Variants in FANCD2 observed in about 807,000 individuals in gnomAD.
FANCD2 encodes FA complementation group D2.
In FANCD2, 131 loss-of-function variants were observed where a neutral mutation model predicts 192.3. The ratio of observed to expected loss-of-function variants is 0.68; its 90% CI spans 0.59 to 0.79. FANCD2 has a LOEUF of 0.79. Ranked by LOEUF, FANCD2 falls within the 30% of genes least tolerant of loss-of-function variation. The pLI is 0.00. For synonymous variants in FANCD2, 524 were observed against 612.5 expected (o/e 0.86, Z 2.13); for missense variants, 1,508 against 1,701.6 (o/e 0.89, Z 2.00).
intron 1 of FANCD2, 36 bp from the exon 2 acceptor site, chr3:10,028,589 C>G (rs528736110): frequency 7.4e-7 from 1 of 1,358,142 alleles, no homozygotes; most frequent in East Asian, 2.3e-5. Flanking sequence ...AATTTATCTT[C>G]TAGAGGGTAA....
intron 26 of FANCD2, among the ~76,000 whole-genome samples, chr3:10,069,935 G>A (rs1411064660): frequency 2.0e-5 from 3 of 151,676 alleles, no homozygotes; most frequent in East Asian, 3.9e-4. Context: ...CGTCTGGGAT[G>A]TGAGGAGCCT....
At chr3:10,034,883 T>C in intron 5 of FANCD2, 85 bp downstream of exon 5, 1 of 1,003,032 alleles carries the variant, frequency 1.0e-6, no homozygotes, top group South Asian at 1.4e-5. Flanking sequence ...CACAGTTGTT[T>C]CAAATTTCAT....
Position 10,074,524 on chromosome 3 carries a change from C to T in FANCD2, c.2716-6C>T. ...TATTCTCTTTGTTGCTGTGACTTCC[C>T]CATAGGAGTTCACAGGGAAGGAAGA... is the stretch of plus-strand genomic sequence containing the variant. On this transcript the variant is annotated splice_polypyrimidine_tract_variant and splice_region_variant and intron_variant, in intron 28 of 43. Transcript: ENST00000675286. 6.2e-7 allele frequency: 1 copy of T among 1,611,670 alleles called. No individual in the cohort carries two copies. The highest frequency in any genetic ancestry group is 8.5e-7 in the Non-Finnish European group (1 of 1,178,446).
At chr3:10,075,931 C>T (rs1014993064) in intron 29 of FANCD2, among the ~76,000 whole-genome samples, 7 of 151,432 alleles carry the variant, frequency 4.6e-5, no homozygotes, top group East Asian at 3.9e-4. Context: ...GAGGTTTCAC[C>T]GTTGTTAGCC....
chr3:10,051,981 G>T (rs149427890), intron 17 of FANCD2, among the ~76,000 whole-genome samples: 21 of 152,192 alleles, frequency 1.4e-4, no homozygotes, highest in African/African-American at 5.1e-4. Context: ...ATAACTTTTG[G>T]TAGAATATTG....
At chr3:10,082,827 C>T (rs1051008577) in intron 32 of FANCD2, among the ~76,000 whole-genome samples, 5 of 152,210 alleles carry the variant, frequency 3.3e-5, no homozygotes, top group Non-Finnish European at 7.3e-5. Context: ...AGACTCTGAG[C>T]TCCATGAAGG....
At chr3:10,043,333 G>A (rs2086913109) in intron 12 of FANCD2, 151 bp from the exon 13 acceptor site, 1 of 805,616 alleles carries the variant, frequency 1.2e-6, no homozygotes. Context: ...TAGCCATTCA[G>A]ATCAATCCCA....
intron 14 of FANCD2, chr3:10,045,694 C>G (rs9819824): frequency 1.3e-5 from 2 of 150,626 alleles, no homozygotes; most frequent in African/African-American, 2.5e-5. Flanking sequence ...CTCTGTCACC[C>G]GGGTTCAAGC....
In FANCD2 at chr3:10,074,656, A is replaced by G. The variant is rs772906829; in HGVS notation, c.2842A>G (p.Thr948Ala). 1 of 1,613,840 alleles carries G rather than the reference A, an allele frequency of 6.2e-7. No homozygotes were observed. Among genetic ancestry groups the G allele is most frequent in the East Asian group, 2.2e-5 (1 of 44,826 alleles). ...ACTTGTGACGAAGTTCATCTTAGATACTGAAATGCACACTGAAGTAAGTGA... is the reference window on the plus strand; with the variant it reads ...ACTTGTGACGAAGTTCATCTTAGATGCTGAAATGCACACTGAAGTAAGTGA... ...CGLVTKFILD[T>A]EMHTEATEVV... is the part of the protein sequence containing the mutation. The change falls in exon 29 of 44, where the codon ACT (threonine) becomes GCT (alanine). Residue 948 changes from threonine to alanine, a missense_variant. Coordinates refer to ENST00000675286, the MANE Select transcript of FANCD2 (RefSeq NM_001018115.3).
intron 29 of FANCD2, 124 bp downstream of exon 29, chr3:10,074,797 A>G (rs1693447076): frequency 1.2e-6 from 1 of 828,008 alleles, no homozygotes; most frequent in Non-Finnish European, 1.9e-6. Context: ...TAAAGCCTTT[A>G]TATGTGAAAG....
Position 10,043,287 on chromosome 3 carries a change from T to C in FANCD2, c.989+137T>C, listed in dbSNP as rs557925061. 4 of 801,696 alleles carry C rather than the reference T, an allele frequency of 5.0e-6. No individual in the cohort carries two copies. In the African/African-American group the frequency reaches 5.2e-5, roughly 10 times the overall value. The allele number at this position is 801,696 out of a possible 1,614,324, so 49.7% of individuals were successfully genotyped here. ...ATTATATTGTTTTTCAAATTACATA[T>C]ATGTATGTGAGTATGTATGTGTTTA... On this transcript the variant is annotated intron_variant, in intron 12 of 43. Transcript: ENST00000675286.
At position 10,039,801 on chromosome 3, in the gene FANCD2, G is replaced by C; in HGVS notation, c.651G>C (p.Glu217Asp). Reference sequence around the variant, plus strand: ...ATGACATCATCACCAGCCTACCTGAGATCCTAGGGGATTCCCAGCACGCTG... The same window carrying C: ...ATGACATCATCACCAGCCTACCTGACATCCTAGGGGATTCCCAGCACGCTG... ...LQHDIITSLP[E>D]ILGDSQHADV... Residue 217 changes from glutamate (E) to aspartate (D), a missense_variant, in exon 9 of 44, where the codon GAG (glutamate) becomes GAC (aspartate). Physicochemically the swap from Glu to Asp is conservative, Grantham distance 45 (BLOSUM62 2). This residue lies in a region of FANCD2 where 435 missense variants were observed against 421.9 expected (regional missense o/e 1.03). Transcript: ENST00000675286. 1 of 1,613,962 alleles carries C rather than the reference G, an allele frequency of 6.2e-7. No individual in the cohort carries two copies. The highest frequency in any genetic ancestry group is 8.5e-7 in the Non-Finnish European group (1 of 1,180,006).
chr3:10,031,094 A>T (rs2086580337), intron 2 of FANCD2, among the ~76,000 whole-genome samples: 1 of 152,156 alleles, frequency 6.6e-6, no homozygotes, highest in Non-Finnish European at 1.5e-5. Flanking sequence ...ATTAGAAGGG[A>T]TTTGGGTTCT....
intron 10 of FANCD2, among the ~76,000 whole-genome samples, chr3:10,041,979 A>G (rs1053632611): frequency 6.6e-6 from 1 of 151,186 alleles, no homozygotes; most frequent in African/African-American, 2.4e-5. Context: ...GCTAACTGCA[A>G]CCTCTACCTA....
At chr3:10,061,697 A>G (rs2087572079) in intron 19 of FANCD2, among the ~76,000 whole-genome samples, 1 of 152,228 alleles carries the variant, frequency 6.6e-6, no homozygotes, top group Non-Finnish European at 1.5e-5. Context: ...AGAAAAAAGA[A>G]AAAAATATAT....
At position 10,101,896 on chromosome 3, in the gene FANCD2, G is replaced by A. The variant is rs1394769004; in HGVS notation, c.*634G>A. 1 of 184,824 alleles carries A rather than the reference G, an allele frequency of 5.4e-6. No individual in the cohort carries two copies. Among genetic ancestry groups the A allele is most frequent in the East Asian group, 8.8e-5 (1 of 11,304 alleles). 11.4% of individuals were successfully genotyped at this position (184,824 alleles called of 1,614,324 possible). On this transcript the variant is annotated 3_prime_UTR_variant, in exon 44 of 44. Coordinates refer to ENST00000675286, the MANE Select transcript of FANCD2 (RefSeq NM_001018115.3). ...CTGATTTATTGTAGAACTTAGGCTT[G>A]TACCAATTTTACAAATAAATTCTGT... is the stretch of plus-strand genomic sequence containing the variant.
In FANCD2 at chr3:10,081,195, T is replaced by TA. The variant is rs1693815584; in HGVS notation, c.3074dup (p.Asn1025LysfsTer16). 6.2e-7 allele frequency: 1 copy of TA among 1,614,164 alleles called. No individual in the cohort carries two copies. The highest frequency in any genetic ancestry group is 2.2e-5 in the East Asian group (1 of 44,884). The stretch of plus-strand genomic sequence containing the variant: ...TTTTTCAACTGCTGACCCCAATGTG[T>TA]AACCACCTGGAGAACATTCACAACT... On this transcript the variant is annotated frameshift_variant, in exon 31 of 44. Coordinates refer to ENST00000675286, the MANE Select transcript of FANCD2 (RefSeq NM_001018115.3). LOFTEE classifies it high-confidence loss of function.
chr3:10,054,806 T>C (rs1185788848), intron 18 of FANCD2, among the ~76,000 whole-genome samples: 1 of 151,572 alleles, frequency 6.6e-6, no homozygotes. Context: ...TTTTTATCTT[T>C]TTTTCCCCCC....
At chr3:10,043,000 T>A in intron 11 of FANCD2, 50 bp from the exon 12 acceptor site, 2 of 1,475,848 alleles carry the variant, frequency 1.4e-6, no homozygotes, top group Non-Finnish European at 1.9e-6. Flanking sequence ...GGACTGTGCC[T>A]ACCCACTATG....
Sources: allele counts gnomAD v4.1 joint callset (sites outside exome capture counted in the v4.1 genomes callset), GRCh38; gene constraint gnomAD v4.1.1; regional missense constraint gnomAD v4.1.1; transcripts MANE v1.5; gene names NCBI Gene and HGNC (gene_info 2026-07-23, HGNC 2026-07-21).